The following MYBL1 variants were observed in gnomAD, a reference collection of about 807,000 sequenced individuals.
The protein encoded by MYBL1 is MYB proto-oncogene like 1, also known as myb-related protein A.
In MYBL1, 17 loss-of-function variants were observed where a neutral mutation model predicts 96.3. The ratio of observed to expected loss-of-function variants is 0.18; its 90% CI spans 0.12 to 0.26. MYBL1 has a LOEUF of 0.26. Among genes scored for constraint, MYBL1 ranks in the 10% least tolerant of loss-of-function variants. The pLI is 1.00. For missense variants in MYBL1, 701 were observed against 882.9 expected (o/e 0.79, Z 2.61); for synonymous variants, 282 against 292.7 (o/e 0.96, Z 0.37).
Position 66,593,206 on chromosome 8 carries a change from T to A in MYBL1, c.688-12A>T, listed in dbSNP as rs377149831. 223 of 1,503,234 alleles carry A rather than the reference T, an allele frequency of 1.5e-4. 2 individuals are homozygous for A. In the South Asian group the frequency reaches 2.6e-3, roughly 17 times the overall value. 93.1% of individuals were successfully genotyped at this position (1,503,234 alleles called of 1,614,324 possible). ...TGATACCCAGGGATCTAAAAAGTAA[T>A]TAATGCATTATTATCATACATATAA... On this transcript the variant is annotated splice_polypyrimidine_tract_variant and intron_variant, in intron 6 of 15. Coordinates refer to ENST00000522677, the MANE Select transcript of MYBL1 (RefSeq NM_001080416.4).
At position 66,578,652 on chromosome 8, in the gene MYBL1, C is replaced by G. The variant is rs949031300; in HGVS notation, c.1101+1481G>C. Among the ~76,000 whole-genome samples, 131 of 152,208 alleles carry G rather than the reference C, an allele frequency of 8.6e-4. 3 individuals carry two copies. The highest frequency in any genetic ancestry group is 1.3e-4 in the Admixed American group (2 of 15,278). On this transcript the variant is annotated intron_variant, in intron 9 of 15. Coordinates refer to ENST00000522677, the MANE Select transcript of MYBL1 (RefSeq NM_001080416.4). ...TTGGTGGGACTGTAAACTAGTTCAA[C>G]TATTGCGGAAGTCAGTGTGGCGATT...
At position 66,580,891 on chromosome 8, in the gene MYBL1, C is replaced by T. The variant is rs575319958; in HGVS notation, c.868-525G>A. Among the ~76,000 whole-genome samples the T allele has an allele frequency of 4.1e-5, 6 of 145,012 alleles. No homozygotes were observed. In the South Asian group the frequency reaches 1.3e-3, roughly 32 times the overall value. On this transcript the variant is annotated intron_variant, in intron 8 of 15. Coordinates refer to ENST00000522677, the MANE Select transcript of MYBL1 (RefSeq NM_001080416.4). ...TTTTTTTTTCTGAGATTGGAGTTTT[C>T]ACTCAGTTGCCCAGGCTGGGGTACA...
intron 12 of MYBL1, among the ~76,000 whole-genome samples, 152 bp downstream of exon 12, chr8:66,572,330 C>CAA (rs1304180751): frequency 1.4e-5 from 2 of 141,294 alleles, no homozygotes; most frequent in Non-Finnish European, 3.1e-5. Context: ...AAAAAAAAAA[C>CAA]AAAAAAAAAA....
chr8:66,592,585 T>A (rs772733565), intron 7 of MYBL1, 41 bp from the exon 8 acceptor site: 77 of 1,157,084 alleles, frequency 6.7e-5, no homozygotes, highest in Non-Finnish European at 9.3e-5. Context: ...GATGCTTATA[T>A]AATTGCTTTA....
At chr8:66,585,678 G>T (rs974174962) in intron 8 of MYBL1, among the ~76,000 whole-genome samples, 1 of 152,162 alleles carries the variant, frequency 6.6e-6, no homozygotes, top group South Asian at 2.1e-4. Flanking sequence ...GGAGGTTGCA[G>T]TGAACCGAGA....
chr8:66,611,236 A>G (rs1018952061), intron 1 of MYBL1, among the ~76,000 whole-genome samples: 2 of 152,224 alleles, frequency 1.3e-5, no homozygotes, highest in African/African-American at 4.8e-5. Context: ...ATCAATACTG[A>G]TAAGTAGATA....
In MYBL1 at chr8:66,572,606, C is replaced by T. The variant is rs1484025440; in HGVS notation, c.1614-10G>A. The stretch of plus-strand genomic sequence containing the variant: ...AGTAGGTGTTCTAAACCTATCCAGT[C>T]ATTTAGATATTTATGTTATAGTCAC... On this transcript the variant is annotated splice_polypyrimidine_tract_variant and intron_variant, in intron 11 of 15. Coordinates refer to ENST00000522677, the MANE Select transcript of MYBL1 (RefSeq NM_001080416.4). The T allele has an allele frequency of 5.3e-6, 7 of 1,309,794 alleles. No individual in the cohort carries two copies. The highest frequency in any genetic ancestry group is 6.4e-6 in the Non-Finnish European group (6 of 934,500). 81.1% of individuals were successfully genotyped at this position (1,309,794 alleles called of 1,614,324 possible).
At chr8:66,579,907 T>C (rs772719075) in intron 9 of MYBL1, among the ~76,000 whole-genome samples, 5 of 152,246 alleles carry the variant, frequency 3.3e-5, no homozygotes, top group South Asian at 4.1e-4. Context: ...GTATAACTTA[T>C]ATAATAAAAA....
chr8:66,582,488 T>G (rs1240972785), intron 8 of MYBL1, among the ~76,000 whole-genome samples: 1 of 124,006 alleles, frequency 8.1e-6, no homozygotes, highest in Non-Finnish European at 1.6e-5. Context: ...GAGGCCAAGG[T>G]GGGCTCAGGA....
chr8:66,593,109 A>G lies in MYBL1; in HGVS notation c.762+11T>C, dbSNP rs768771022. 137 of 1,538,860 alleles carry G rather than the reference A, an allele frequency of 8.9e-5. 1 individual carries two copies. Among genetic ancestry groups the G allele is most frequent in the Non-Finnish European group, 1.1e-4 (128 of 1,131,856 alleles). ...ACATTTCCTTTGGTTTTCGTTATAAATAAAAGTTACCTGAATAAAGGCAGA... is the reference window on the plus strand; with the variant it reads ...ACATTTCCTTTGGTTTTCGTTATAAGTAAAAGTTACCTGAATAAAGGCAGA... On this transcript the variant is annotated intron_variant, in intron 7 of 15. Transcript: ENST00000522677.
chr8:66,572,214 G>A (rs1808761544), intron 12 of MYBL1, among the ~76,000 whole-genome samples: 1 of 151,804 alleles, frequency 6.6e-6, no homozygotes, highest in African/African-American at 2.4e-5. Context: ...CAGCTACTAA[G>A]GAGGCTGAGG....
chr8:66,577,030 C>T (rs552828071), intron 9 of MYBL1, among the ~76,000 whole-genome samples: 2 of 152,204 alleles, frequency 1.3e-5, no homozygotes, highest in South Asian at 4.2e-4. Flanking sequence ...TTCAACAACC[C>T]TTCATGCTAA....
intron 14 of MYBL1, 146 bp from the exon 15 acceptor site, chr8:66,566,389 T>C (rs943988288): frequency 1.8e-6 from 1 of 547,360 alleles, no homozygotes; most frequent in Non-Finnish European, 3.1e-6. Context: ...AATGTAGTAA[T>C]ATTATTTTGG....
chr8:66,571,820 G>A (rs1346647055), intron 12 of MYBL1, among the ~76,000 whole-genome samples: 4 of 151,478 alleles, frequency 2.6e-5, no homozygotes, highest in Admixed American at 6.6e-5. Flanking sequence ...GGAGGTTGCA[G>A]TGAGCCAAGA....
At chr8:66,593,831 G>A (rs1212869236) in intron 6 of MYBL1, among the ~76,000 whole-genome samples, 1 of 152,106 alleles carries the variant, frequency 6.6e-6, no homozygotes, top group Non-Finnish European at 1.5e-5. Flanking sequence ...GAGAGGAGGT[G>A]TTTTTAAAAG....
intron 1 of MYBL1, among the ~76,000 whole-genome samples, chr8:66,611,425 T>C (rs1810522430): frequency 6.6e-6 from 1 of 152,220 alleles, no homozygotes; most frequent in Non-Finnish European, 1.5e-5. Context: ...CTTGAAGTTC[T>C]AGAAGGGTGG....
intron 8 of MYBL1, among the ~76,000 whole-genome samples, chr8:66,588,713 C>T (rs1168536915): frequency 6.6e-6 from 1 of 152,004 alleles, no homozygotes; most frequent in Non-Finnish European, 1.5e-5. Context: ...AATATTGTCA[C>T]ATAACTGTTT....
At chr8:66,609,002 G>A (rs986701832) in intron 1 of MYBL1, among the ~76,000 whole-genome samples, 13 of 151,956 alleles carry the variant, frequency 8.6e-5, no homozygotes, top group Non-Finnish European at 1.6e-4. Context: ...ATATTCAAAT[G>A]GAAACAGTTT....
chr8:66,564,752 C>A lies in MYBL1; in HGVS notation c.2204G>T (p.Arg735Ile). The change falls in exon 16 of 16, where the codon AGA becomes ATA. Residue 735 changes from arginine (R) to isoleucine (I), a missense_variant. Physicochemically the swap from Arg to Ile is moderately conservative, Grantham distance 97. This residue lies in a region of MYBL1 where 137 missense variants were observed against 137.5 expected (regional missense o/e 1.00). Coordinates refer to ENST00000522677, the MANE Select transcript of MYBL1 (RefSeq NM_001080416.4). Reference sequence around the variant, plus strand: ...GGTAGCTGTGTAAGTACTCAGATATCTTCTTGCTTGTTCAGTCATAATAAG... The same window carrying A: ...GGTAGCTGTGTAAGTACTCAGATATATTCTTGCTTGTTCAGTCATAATAAG... The part of the protein sequence containing the change: ...DQLIMTEQAR[R>I]YLSTYTATSS... The A allele has an allele frequency of 6.3e-7, 1 of 1,586,198 alleles. No individual in the cohort carries two copies. Among genetic ancestry groups the A allele is most frequent in the Non-Finnish European group, 8.6e-7 (1 of 1,162,946 alleles).
Sources: gnomAD v4.1 joint callset for allele counts (sites outside exome capture counted in the v4.1 genomes callset) on GRCh38, gnomAD v4.1.1 for gene constraint, gnomAD v4.1.1 regional missense constraint, MANE v1.5 for transcripts, NCBI Gene and HGNC (gene_info 2026-07-23, HGNC 2026-07-21) for gene names.